Variants in HDAC4 observed in about 807,000 individuals in gnomAD.
HDAC4 encodes histone deacetylase 4.
A neutral mutation model predicts 135.1 loss-of-function variants in HDAC4; 16 were observed. The ratio of observed to expected loss-of-function variants is 0.12; its 90% CI spans 0.08 to 0.18. HDAC4 has a LOEUF of 0.18. Ranked by LOEUF, HDAC4 falls within the 10% of genes least tolerant of loss-of-function variation. The pLI is 1.00. For synonymous variants in HDAC4, 685 were observed against 653.4 expected (o/e 1.05, Z -0.74); for missense variants, 1,143 against 1,511.8 (o/e 0.76, Z 4.05).
intron 12 of HDAC4, among the ~76,000 whole-genome samples, chr2:239,118,996 G>T (rs868656935): frequency 2.0e-5 from 3 of 152,182 alleles, no homozygotes; most frequent in Non-Finnish European, 2.9e-5. Context: ...GAGCAGGGGT[G>T]CCAGGTGCAG....
At position 239,190,080 on chromosome 2, in the gene HDAC4, G is replaced by A. The variant is rs753163763; in HGVS notation, c.95-3C>T. 7 of 1,599,014 alleles carry A rather than the reference G, an allele frequency of 4.4e-6. No homozygotes were observed. The highest frequency in any genetic ancestry group is 5.9e-6 in the Non-Finnish European group (7 of 1,178,636). On this transcript the variant is annotated splice_polypyrimidine_tract_variant and splice_region_variant and intron_variant, in intron 3 of 26. Transcript: ENST00000543185. ...AGGCAGCGCCGTGGCCACATCCACT[G>A]TGGGAAAAACAAGCAGGAGAGCCGG...
intron 2 of HDAC4, among the ~76,000 whole-genome samples, chr2:239,260,886 C>T (rs184322801): frequency 2.3e-4 from 35 of 152,282 alleles, no homozygotes; most frequent in East Asian, 7.7e-4. Context: ...GAAGGAGGCA[C>T]GGAAGCCTAT....
chr2:239,064,323 T>C (rs981100072), intron 24 of HDAC4, among the ~76,000 whole-genome samples: 5 of 152,208 alleles, frequency 3.3e-5, no homozygotes, highest in Admixed American at 1.3e-4. Context: ...GGGAAAGCCA[T>C]GGCAGCAGCC....
At position 239,303,050 on chromosome 2, in the gene HDAC4, C is replaced by G. The variant is rs369954908; in HGVS notation, c.22+49628G>C. ...ACCTCGGGAGTCCTCAAACCCCCCCCGGGTGGGAGAGGTCATCACCTCCGC... is the reference window on the plus strand; with the variant it reads ...ACCTCGGGAGTCCTCAAACCCCCCCGGGGTGGGAGAGGTCATCACCTCCGC... On this transcript the variant is annotated intron_variant, in intron 2 of 26. Transcript: ENST00000543185. This position sits in a 1 kb window ranked among gnomAD's most constrained non-coding sequence, Gnocchi z 5.1. Among the ~76,000 whole-genome samples the G allele has an allele frequency of 1.3e-5, 2 of 152,308 alleles. No homozygotes were observed. Among genetic ancestry groups the G allele is most frequent in the East Asian group, 3.9e-4 (2 of 5,164 alleles).
chr2:239,173,009 C>G (rs1249571695), intron 5 of HDAC4, among the ~76,000 whole-genome samples: 1 of 152,096 alleles, frequency 6.6e-6, no homozygotes, highest in East Asian at 1.9e-4. Context: ...AATAAGTAAT[C>G]AAAAACCTTT....
At chr2:239,358,493 C>T (rs902186658) in intron 1 of HDAC4, among the ~76,000 whole-genome samples, 7 of 152,164 alleles carry the variant, frequency 4.6e-5, no homozygotes, top group Non-Finnish European at 1.0e-4. Flanking sequence ...TCCAGGGAAC[C>T]CTGGATCCAT....
intron 3 of HDAC4, among the ~76,000 whole-genome samples, chr2:239,214,223 T>C (rs962605655): frequency 6.6e-6 from 1 of 152,158 alleles, no homozygotes; most frequent in African/African-American, 2.4e-5. Context: ...TTCTCTAGCT[T>C]CCGGAGGCTG....
At chr2:239,160,040 T>C (rs2042692082) in intron 6 of HDAC4, among the ~76,000 whole-genome samples, 1 of 152,230 alleles carries the variant, frequency 6.6e-6, no homozygotes, top group Non-Finnish European at 1.5e-5. Context: ...TGCCCTTTCA[T>C]CAGATTCGTA....
intron 2 of HDAC4, among the ~76,000 whole-genome samples, chr2:239,317,667 G>A (rs1284035493): frequency 6.6e-6 from 1 of 152,048 alleles, no homozygotes; most frequent in Admixed American, 6.6e-5. Flanking sequence ...AAACAATAAG[G>A]AAACACATAA....
intron 2 of HDAC4, among the ~76,000 whole-genome samples, chr2:239,315,639 T>C (rs1403571826): frequency 6.6e-6 from 1 of 152,136 alleles, no homozygotes; most frequent in Admixed American, 6.5e-5. Flanking sequence ...AAGGTGCCCA[T>C]CTCAACCACT....
At chr2:239,211,199 T>G (rs1575419270) in intron 3 of HDAC4, among the ~76,000 whole-genome samples, 1 of 152,350 alleles carries the variant, frequency 6.6e-6, no homozygotes, top group East Asian at 1.9e-4. Context: ...ATTCAAAAAT[T>G]TAAACAAAAA....
intron 2 of HDAC4, among the ~76,000 whole-genome samples, chr2:239,351,016 C>A (rs1436626853): frequency 6.6e-6 from 1 of 152,152 alleles, no homozygotes; most frequent in African/African-American, 2.4e-5. Context: ...ATGAGAGAGA[C>A]TGAACCTACC....
chr2:239,075,671 C>T lies in HDAC4; in HGVS notation c.2750+5424G>A, dbSNP rs149436531. ...TCCCGTGTGAAGCCGTGGGGTGCCA[C>T]GCATCCCCTTCCCGTGGCCTCAATG... On this transcript the variant is annotated intron_variant, in intron 22 of 26. Transcript: ENST00000543185. Among the ~76,000 whole-genome samples the T allele has an allele frequency of 3.4e-3, 515 of 152,340 alleles. 3 individuals carry two copies. Among genetic ancestry groups the T allele is most frequent in the African/African-American group, 0.012 (479 of 41,578 alleles).
In HDAC4 at chr2:239,234,971, T is replaced by G. The variant is rs936385649; in HGVS notation, c.94+1622A>C. Among the ~76,000 whole-genome samples, 4 of 152,144 alleles carry G rather than the reference T, an allele frequency of 2.6e-5. No individual in the cohort carries two copies. The East Asian group carries it at 7.7e-4, about 29-fold the overall frequency. On this transcript the variant is annotated intron_variant, in intron 3 of 26. Coordinates refer to ENST00000543185, the MANE Select transcript of HDAC4 (RefSeq NM_001378414.1). Reference sequence around the variant, plus strand: ...AAAATGCCCCAGCCACAGAATTCAGTGTTTACACGAAAACAACACCGGCAA... The same window carrying G: ...AAAATGCCCCAGCCACAGAATTCAGGGTTTACACGAAAACAACACCGGCAA...
intron 2 of HDAC4, among the ~76,000 whole-genome samples, chr2:239,341,083 C>A (rs573867676): frequency 6.6e-6 from 1 of 152,238 alleles, no homozygotes; most frequent in Non-Finnish European, 1.5e-5. Flanking sequence ...GGTTTACCAA[C>A]GAAAACCTCT....
intron 12 of HDAC4, among the ~76,000 whole-genome samples, chr2:239,125,656 C>T (rs747193757): frequency 2.6e-5 from 4 of 152,234 alleles, no homozygotes; most frequent in Non-Finnish European, 4.4e-5. Flanking sequence ...ATGTTCATAG[C>T]AGCTCATCTC....
rs995633764 is a variant in HDAC4, at chr2:239,167,699, T to A, written c.491-3776A>T. On this transcript the variant is annotated intron_variant, in intron 5 of 26. Transcript: ENST00000543185. The surrounding 1 kb of genome is among the most constrained non-coding windows in gnomAD (Gnocchi z 4.1). ...TGAAAAAACCCATTCAACAAATGGATAGCAGATCTCCCTAATTTTTACTTT... is the reference window on the plus strand; with the variant it reads ...TGAAAAAACCCATTCAACAAATGGAAAGCAGATCTCCCTAATTTTTACTTT... Among the ~76,000 whole-genome samples, 1 of 152,126 alleles carries A rather than the reference T, an allele frequency of 6.6e-6. No individual in the cohort carries two copies. Among genetic ancestry groups the A allele is most frequent in the African/African-American group, 2.4e-5 (1 of 41,420 alleles).
At position 239,126,498 on chromosome 2, in the gene HDAC4, T is replaced by C; in HGVS notation, c.1491A>G (p.Lys497=). ...IQQQHQQFLE[K]HKQQFQQQQL... Reference sequence around the variant, plus strand: ...GCTGCTGCTGGAACTGCTGCTTGTGTTTCTCCAGAAACTGCTGATGCTGCT... The same window carrying C: ...GCTGCTGCTGGAACTGCTGCTTGTGCTTCTCCAGAAACTGCTGATGCTGCT... The change falls in exon 12 of 27, where the codon AAA becomes AAG. Residue 497 remains lysine, a synonymous_variant. Transcript: ENST00000543185. 6.2e-7 allele frequency: 1 copy of C among 1,613,672 alleles called. No homozygotes were observed. The highest frequency in any genetic ancestry group is 8.5e-7 in the Non-Finnish European group (1 of 1,179,836).
chr2:239,249,609 G>A (rs2048666181), intron 2 of HDAC4, among the ~76,000 whole-genome samples: 1 of 151,998 alleles, frequency 6.6e-6, no homozygotes, highest in African/African-American at 2.4e-5. Context: ...AAAATGTTCA[G>A]AATTTGTGTC....
Sources: gnomAD v4.1 joint callset for allele counts (sites outside exome capture counted in the v4.1 genomes callset) on GRCh38, gnomAD v4.1.1 for gene constraint, Gnocchi (gnomAD v3.1) non-coding constraint, MANE v1.5 for transcripts, NCBI Gene and HGNC (gene_info 2026-07-23, HGNC 2026-07-21) for gene names.